USP32: variants seen among roughly 807,000 people sequenced by gnomAD.
The protein encoded by USP32 is ubiquitin carboxyl-terminal hydrolase 32.
In USP32, 59 loss-of-function variants were observed where a neutral mutation model predicts 204.8. The observed-to-expected ratio is 0.29, with a 90% CI of 0.23 to 0.36. USP32 has a LOEUF of 0.36. Among genes scored for constraint, USP32 ranks in the 10% least tolerant of loss-of-function variants. The pLI, the probability that USP32 is intolerant of heterozygous loss-of-function variation, is 1.00. For missense variants in USP32, 1,160 were observed against 1,946.4 expected (o/e 0.60, Z 7.60); for synonymous variants, 517 against 678.4 (o/e 0.76, Z 3.70).
chr17:60,288,555 G>A lies in USP32; in HGVS notation c.539C>T (p.Thr180Ile). The change falls in exon 5 of 34, where the codon ACT becomes ATT. Residue 180 changes from threonine (T) to isoleucine (I), a missense_variant. Around this residue, in one of 8 missense-constraint regions of USP32, gnomAD observed 536 missense variants for 680.9 expected, o/e 0.79. Transcript: ENST00000300896. ...VTLTDDSDTPTFYQTLAGVTH... is the reference protein window; with the variant it reads ...VTLTDDSDTPIFYQTLAGVTH... ...GACTCCAGCCAGAGTTTGGTAGAAA[G>A]TAGGAGTATCACTATCATCAGTGAG... 1 of 1,609,338 alleles carries A rather than the reference G, an allele frequency of 6.2e-7. No homozygotes were observed. Among genetic ancestry groups the A allele is most frequent in the Non-Finnish European group, 8.5e-7 (1 of 1,178,428 alleles).
rs111445359 is a variant in USP32, at chr17:60,362,667, T to A, written c.59-17059A>T. On this transcript the variant is annotated intron_variant, in intron 1 of 33. Transcript: ENST00000300896. The stretch of plus-strand genomic sequence containing the variant: ...TATAACAAAATGACTATTTAACATA[T>A]GTTGATGACAAATGTTCTAGTTTAT... Among the ~76,000 whole-genome samples, 230 of 152,358 alleles carry A rather than the reference T, an allele frequency of 1.5e-3. 2 individuals are homozygous for A. Among genetic ancestry groups the A allele is most frequent in the Admixed American group, 4.6e-3 (71 of 15,302 alleles).
intron 2 of USP32, among the ~76,000 whole-genome samples, chr17:60,342,264 A>G (rs2088677925): frequency 6.6e-6 from 1 of 152,224 alleles, no homozygotes; most frequent in Non-Finnish European, 1.5e-5. Flanking sequence ...ATTGCAGAAC[A>G]GCAAATATTG....
chr17:60,317,863 T>G (rs1282069270), intron 2 of USP32, among the ~76,000 whole-genome samples: 1 of 152,202 alleles, frequency 6.6e-6, no homozygotes, highest in African/African-American at 2.4e-5. Context: ...CATGCGCCTA[T>G]AGTCCCAGCT....
chr17:60,341,796 A>G (rs1219242684), intron 2 of USP32, among the ~76,000 whole-genome samples: 3 of 152,212 alleles, frequency 2.0e-5, no homozygotes, highest in Admixed American at 1.3e-4. Context: ...CTAGTTAGCC[A>G]TTCGTCTAAC....
At chr17:60,277,805 T>C (rs577859572) in intron 5 of USP32, among the ~76,000 whole-genome samples, 5 of 152,320 alleles carry the variant, frequency 3.3e-5, no homozygotes, top group African/African-American at 1.2e-4. Context: ...CCAAAAACTT[T>C]CTTTATTTAT....
chr17:60,252,907 C>A (rs1468672797), intron 10 of USP32, among the ~76,000 whole-genome samples: 2 of 152,114 alleles, frequency 1.3e-5, no homozygotes, highest in Non-Finnish European at 2.9e-5. Context: ...TTTAGCATAA[C>A]TGTCTGCTTA....
At chr17:60,297,177 C>T (rs2087452410) in intron 3 of USP32, among the ~76,000 whole-genome samples, 1 of 152,108 alleles carries the variant, frequency 6.6e-6, no homozygotes, top group East Asian at 1.9e-4. Context: ...ACGAGAGAAT[C>T]ATTTGAGGCC....
intron 5 of USP32, among the ~76,000 whole-genome samples, chr17:60,282,023 A>G (rs952207150): frequency 1.6e-4 from 24 of 152,326 alleles, no homozygotes; most frequent in Admixed American, 3.3e-4. Context: ...TAAGGATAGG[A>G]CAAAACTCAA....
chr17:60,388,412 TA>T (rs1306586962), intron 1 of USP32, among the ~76,000 whole-genome samples: 5 of 152,038 alleles, frequency 3.3e-5, no homozygotes, highest in Admixed American at 2.6e-4. Context: ...TGAAGATTTT[TA>T]AGATGTCTTA....
rs552911581 is a variant in USP32 at position 60,403,224 on chromosome 17, G to A, written c.106+19022C>T. On this transcript the variant is annotated intron_variant, in intron 1 of 3. Coordinates refer to the USP32 transcript ENST00000588898. ...ACAGGGACAGGGTTTCACCATGTTGGCCAGGATGGTCTTGATCTCTTGACC... is the reference window on the plus strand; with the variant it reads ...ACAGGGACAGGGTTTCACCATGTTGACCAGGATGGTCTTGATCTCTTGACC... Among the ~76,000 whole-genome samples, 4 of 152,228 alleles carry A rather than the reference G, an allele frequency of 2.6e-5. No individual in the cohort carries two copies. In the East Asian group the frequency reaches 7.7e-4, roughly 29 times the overall value.
intron 2 of USP32, 33 bp downstream of exon 2, chr17:60,345,448 A>G: frequency 6.2e-7 from 1 of 1,609,332 alleles, no homozygotes; most frequent in Non-Finnish European, 8.5e-7. Flanking sequence ...GTGGATAACT[A>G]CCTCAAAGGA....
Position 60,302,711 on chromosome 17 carries a change from T to G in USP32, c.187-1007A>C, listed in dbSNP as rs148029152. On this transcript the variant is annotated intron_variant, in intron 2 of 33. Transcript: ENST00000300896. ...TAAGAATTTTGTGCAATTACACAACTTCCTTCAAACCTGGGAAAACTTACG... is the reference window on the plus strand; with the variant it reads ...TAAGAATTTTGTGCAATTACACAACGTCCTTCAAACCTGGGAAAACTTACG... Among the ~76,000 whole-genome samples the G allele has an allele frequency of 2.1e-3, 317 of 152,280 alleles. 1 individual carries two copies. The highest frequency in any genetic ancestry group is 7.3e-3 in the African/African-American group (304 of 41,558).
chr17:60,225,133 G>A (rs1443114936), intron 13 of USP32, among the ~76,000 whole-genome samples: 1 of 152,138 alleles, frequency 6.6e-6, no homozygotes, highest in Non-Finnish European at 1.5e-5. Flanking sequence ...AATAGCAATA[G>A]GGAAAGATGG....
intron 32 of USP32, among the ~76,000 whole-genome samples, chr17:60,180,963 G>A (rs2084096010): frequency 6.6e-6 from 1 of 151,794 alleles, no homozygotes; most frequent in African/African-American, 2.4e-5. Context: ...ACTCTCTAAA[G>A]ACTTGACCTC....
chr17:60,195,419 C>T (rs1196968765), intron 27 of USP32, among the ~76,000 whole-genome samples: 1 of 152,220 alleles, frequency 6.6e-6, no homozygotes, highest in African/African-American at 2.4e-5. Context: ...CTCACTGCAA[C>T]TTCCACCTAC....
chr17:60,314,777 G>A (rs141575581), intron 2 of USP32, among the ~76,000 whole-genome samples: 1 of 151,864 alleles, frequency 6.6e-6, no homozygotes, highest in East Asian at 1.9e-4. Flanking sequence ...ACCAAACAAA[G>A]GTATATAATA....
chr17:60,382,158 C>T (rs183302435), intron 1 of USP32, among the ~76,000 whole-genome samples: 1 of 152,218 alleles, frequency 6.6e-6, no homozygotes. Flanking sequence ...TCTTTCCCCT[C>T]GAACTACCTG....
chr17:60,340,053 C>T (rs1192943708), intron 2 of USP32, among the ~76,000 whole-genome samples: 1 of 152,122 alleles, frequency 6.6e-6, no homozygotes, highest in Non-Finnish European at 1.5e-5. Context: ...AATAATGATG[C>T]TCTGTTTACT....
chr17:60,270,073 C>G (rs1237523495), intron 6 of USP32, among the ~76,000 whole-genome samples: 1 of 152,138 alleles, frequency 6.6e-6, no homozygotes, highest in African/African-American at 2.4e-5. Context: ...ACTACAGTGT[C>G]TCTTTGTACT....
Sources: allele counts gnomAD v4.1 joint callset (sites outside exome capture counted in the v4.1 genomes callset), GRCh38; gene constraint gnomAD v4.1.1; regional missense constraint gnomAD v4.1.1; transcripts MANE v1.5; gene names NCBI Gene and HGNC (gene_info 2026-07-23, HGNC 2026-07-21).